The following RAB13 variants were observed in gnomAD, a reference collection of about 807,000 sequenced individuals.
The protein encoded by RAB13 is ras-related protein Rab-13.
In RAB13, 15 loss-of-function variants were observed where a neutral mutation model predicts 29.3. That is an observed-to-expected ratio of 0.51 (90% CI 0.34 to 0.79). RAB13 has a LOEUF of 0.79. RAB13 is among the 30% of genes least tolerant of loss of function. The pLI is 0.01. For missense variants in RAB13, 186 were observed against 255.5 expected (o/e 0.73, Z 1.85); for synonymous variants, 82 against 93.8 (o/e 0.87, Z 0.73).
chr1:153,985,673 G>A (rs538275709), intron 1 of RAB13, among the ~76,000 whole-genome samples: 3 of 152,244 alleles, frequency 2.0e-5, no homozygotes, highest in South Asian at 4.1e-4. Context: ...AGATGGTGAG[G>A]TGGGGACACA....
rs372927118 is a variant in RAB13, at chr1:153,986,260, G to T, written c.-24C>A. ...ATGGCGGACACCGGGGGAGCCGGGG[G>T]AGGGGTGGGGAGCGCCCGGCACTGG... is the stretch of plus-strand genomic sequence containing the variant. On this transcript the variant is annotated 5_prime_UTR_variant, in exon 1 of 8. Coordinates refer to ENST00000368575, the MANE Select transcript of RAB13 (RefSeq NM_002870.5). 2.6e-5 allele frequency: 42 copies of T among 1,602,120 alleles called. No homozygotes were observed. The African/African-American group carries it at 3.2e-4, about 12-fold the overall frequency.
In RAB13 at chr1:153,986,180, C is replaced by G. The variant is rs1052206921; in HGVS notation, c.57G>C (p.Val19=). ...AGCGAATGATCAGACAAGTCTTGCC[C>G]ACCCCCGAGTCCCCGATCAGCAGCA... The part of the protein sequence containing the change: ...FKLLLIGDSG[V]GKTCLIIRFA... Residue 19 remains valine, a synonymous_variant, in exon 1 of 8, where the codon GTG becomes GTC. Coordinates refer to ENST00000368575, the MANE Select transcript of RAB13 (RefSeq NM_002870.5). 3 of 1,613,696 alleles carry G rather than the reference C, an allele frequency of 1.9e-6. No homozygotes were observed. The highest frequency in any genetic ancestry group is 2.5e-6 in the Non-Finnish European group (3 of 1,179,860).
upstream of RAB13, among the ~76,000 whole-genome samples, chr1:153,988,444 C>T (rs1217321115): frequency 6.7e-6 from 1 of 148,376 alleles, no homozygotes; most frequent in Non-Finnish European, 1.5e-5. Flanking sequence ...CAGGCGCCCG[C>T]CACCACCCGG....
upstream of RAB13, among the ~76,000 whole-genome samples, chr1:153,989,013 G>A (rs1423493485): frequency 6.8e-6 from 1 of 147,740 alleles, no homozygotes; most frequent in African/African-American, 2.4e-5. Flanking sequence ...TCCGCCTCTT[G>A]GGTTCAAGCG....
intron 1 of RAB13, 195 bp from the exon 2 acceptor site, chr1:153,984,976 T>C: frequency 7.6e-7 from 1 of 1,309,820 alleles, no homozygotes; most frequent in Non-Finnish European, 9.7e-7. Flanking sequence ...AATACTATTT[T>C]TACGTACATT....
chr1:153,985,054 C>T, intron 1 of RAB13: 1 of 1,182,466 alleles, frequency 8.5e-7, no homozygotes, highest in Non-Finnish European at 1.0e-6. Flanking sequence ...TAGGCTGCCT[C>T]TTGGGTCCAT....
rs767040902 is a variant in RAB13 at position 153,984,769 on chromosome 1, T to C, written c.137A>G (p.Lys46Arg). The C allele has an allele frequency of 6.2e-7, 1 of 1,613,018 alleles. No individual in the cohort carries two copies. The highest frequency in any genetic ancestry group is 8.5e-7 in the Non-Finnish European group (1 of 1,179,552). The change falls in exon 2 of 8, where the codon AAG (lysine) becomes AGG (arginine). Residue 46 changes from lysine to arginine, a missense_variant. Physicochemically the swap from Lys to Arg is conservative, Grantham distance 26. Coordinates refer to ENST00000368575, the MANE Select transcript of RAB13 (RefSeq NM_002870.5). ...CCCCTCTATATCCACAGTGCGGATC[T>C]TGAAATCAATTCCTAGGGGTGGAAG... ...TYISTIGIDF[K>R]IRTVDIEGKK...
chr1:153,982,527 G>T lies in RAB13; in HGVS notation c.480+8C>A. ...TCTCTTGGTCGGGGATGGGGGTGTG[G>T]ATCTCACCTCATCCACATTCATACT... On this transcript the variant is annotated splice_region_variant and intron_variant, in intron 6 of 7. Coordinates refer to ENST00000368575, the MANE Select transcript of RAB13 (RefSeq NM_002870.5). The T allele has an allele frequency of 6.2e-7, 1 of 1,612,060 alleles. No individual in the cohort carries two copies. The highest frequency in any genetic ancestry group is 8.5e-7 in the Non-Finnish European group (1 of 1,178,160).
upstream of RAB13, among the ~76,000 whole-genome samples, chr1:153,987,270 G>T (rs1649196685): frequency 6.6e-6 from 1 of 152,052 alleles, no homozygotes; most frequent in Admixed American, 6.6e-5. Flanking sequence ...ACTTTGGGAG[G>T]CCGAGGCGGG....
chr1:153,982,141 T>C lies in RAB13; in HGVS notation c.570A>G (p.Lys190=). Residue 190 remains lysine (K), a synonymous_variant, in exon 8 of 8, where the codon AAA becomes AAG. Coordinates refer to ENST00000368575, the MANE Select transcript of RAB13 (RefSeq NM_002870.5). Reference sequence around the variant, plus strand: ...TGTTGGTGTTCTTCTTGTCACAAGTTTTCAGGTCAGTACTGGGAGGCTTGT... The same window carrying C: ...TGTTGGTGTTCTTCTTGTCACAAGTCTTCAGGTCAGTACTGGGAGGCTTGT... The part of the protein sequence containing the change: ...NGNKPPSTDL[K]TCDKKNTNKC... 2 of 1,613,944 alleles carry C rather than the reference T, an allele frequency of 1.2e-6. No homozygotes were observed. The highest frequency in any genetic ancestry group is 2.2e-5 in the South Asian group (2 of 91,070).
upstream of RAB13, among the ~76,000 whole-genome samples, chr1:153,989,920 A>C (rs1014978039): frequency 6.6e-6 from 1 of 152,022 alleles, no homozygotes; most frequent in South Asian, 2.1e-4. Flanking sequence ...AAAATAAAAA[A>C]AAAGAAGGCA....
rs969637411 is a variant in RAB13 at position 153,985,038 on chromosome 1, A to G, written c.125-257T>C. 6 of 1,204,424 alleles carry G rather than the reference A, an allele frequency of 5.0e-6. No individual in the cohort carries two copies. In the African/African-American group the frequency reaches 9.7e-5, roughly 20 times the overall value. 74.6% of individuals were successfully genotyped at this position (1,204,424 alleles called of 1,614,324 possible). On this transcript the variant is annotated intron_variant, in intron 1 of 7. Coordinates refer to ENST00000368575, the MANE Select transcript of RAB13 (RefSeq NM_002870.5). ...ACGAAAATTCTGCATGGAGGCTTAA[A>G]ATCCTTAGGCTGCCTCTTGGGTCCA...
chr1:153,983,675 CATG>C, intron 2 of RAB13, 94 bp from the exon 3 acceptor site: 1 of 1,075,760 alleles, frequency 9.3e-7, no homozygotes, highest in Admixed American at 2.0e-5. Flanking sequence ...GCTTTTGTAA[CATG>C]GTGGGGCAAC....
upstream of RAB13, among the ~76,000 whole-genome samples, chr1:153,987,899 T>A (rs1649229540): frequency 6.6e-6 from 1 of 151,698 alleles, no homozygotes; most frequent in South Asian, 2.1e-4. Flanking sequence ...AAGGCTGTAG[T>A]GAGCCACGAT....
intron 3 of RAB13, 29 bp downstream of exon 3, chr1:153,983,492 C>T (rs772268363): frequency 1.1e-5 from 18 of 1,572,558 alleles, no homozygotes; most frequent in South Asian, 1.1e-5. Context: ...CCTCATCCTT[C>T]ATCCTTTGTT....
chr1:153,982,570 C>T lies in RAB13; in HGVS notation c.445G>A (p.Glu149Lys), dbSNP rs1456890575. ...TTCATACTGGATTTAGCACTAGTTT[C>T]GAAAAATCGGATTCCATGCTCTCGA... ...LAREHGIRFF[E>K]TSAKSSMNVD... Residue 149 changes from glutamate (E) to lysine (K), a missense_variant, in exon 6 of 8, where the codon GAA becomes AAA. By Grantham distance (56) the Glu-to-Lys change is moderately conservative (BLOSUM62 1). Coordinates refer to ENST00000368575, the MANE Select transcript of RAB13 (RefSeq NM_002870.5). The T allele has an allele frequency of 5.6e-6, 9 of 1,613,688 alleles. No individual in the cohort carries two copies. The highest frequency in any genetic ancestry group is 5.0e-5 in the Admixed American group (3 of 59,984).
At chr1:153,985,480 T>A in intron 1 of RAB13, 1 of 580,860 alleles carries the variant, frequency 1.7e-6, no homozygotes, top group Non-Finnish European at 2.2e-6. Flanking sequence ...GGAGGATGAG[T>A]CACCAGGCTG....
chr1:153,983,099 C>G, intron 4 of RAB13, 120 bp downstream of exon 4: 1 of 927,582 alleles, frequency 1.1e-6, no homozygotes, highest in Non-Finnish European at 1.7e-6. Context: ...CACTCCAGCC[C>G]GGGCAACAAG....
chr1:153,983,902 T>G (rs932317661), intron 2 of RAB13, among the ~76,000 whole-genome samples: 1 of 152,136 alleles, frequency 6.6e-6, no homozygotes, highest in South Asian at 2.1e-4. Context: ...ACACGCCAGG[T>G]GCCGTGGCTT....
Sources: gnomAD v4.1 joint callset for allele counts (sites outside exome capture counted in the v4.1 genomes callset) on GRCh38, gnomAD v4.1.1 for gene constraint, MANE v1.5 for transcripts, NCBI Gene and HGNC (gene_info 2026-07-23, HGNC 2026-07-21) for gene names.